NTNG1: variants seen among roughly 807,000 people sequenced by gnomAD.
NTNG1 encodes netrin-G1.
A neutral mutation model predicts 54.0 loss-of-function variants in NTNG1; 16 were observed. That is an observed-to-expected ratio of 0.30 (90% CI 0.20 to 0.45). The LOEUF (loss-of-function observed/expected upper bound fraction) is 0.45, where lower values mean the gene tolerates loss of function less well. Ranked by LOEUF, NTNG1 falls within the 20% of genes least tolerant of loss-of-function variation. The pLI is 1.00. For synonymous variants in NTNG1, 255 were observed against 263.1 expected (o/e 0.97, Z 0.30); for missense variants, 530 against 678.7 (o/e 0.78, Z 2.43).
At chr1:107,163,108 T>C (rs1185633666) in intron 2 of NTNG1, among the ~76,000 whole-genome samples, 2 of 152,192 alleles carry the variant, frequency 1.3e-5, no homozygotes, top group African/African-American at 4.8e-5. Flanking sequence ...CAATGATAAG[T>C]CTTTACATTT....
At chr1:107,475,638 A>G (rs371702326) in intron 7 of NTNG1, among the ~76,000 whole-genome samples, 2 of 152,338 alleles carry the variant, frequency 1.3e-5, no homozygotes, top group African/African-American at 4.8e-5. Flanking sequence ...CCTGATCTAG[A>G]AATGACAAAG....
intron 5 of NTNG1, among the ~76,000 whole-genome samples, chr1:107,425,736 G>T (rs1674867106): frequency 6.6e-6 from 1 of 151,962 alleles, no homozygotes; most frequent in African/African-American, 2.4e-5. Flanking sequence ...TCTATTTTTA[G>T]TTCTTTGAGA....
At chr1:107,458,612 G>A (rs1677093033) in intron 7 of NTNG1, among the ~76,000 whole-genome samples, 1 of 152,128 alleles carries the variant, frequency 6.6e-6, no homozygotes, top group African/African-American at 2.4e-5. Context: ...TTAATTCACA[G>A]ATTAACAATA....
chr1:107,276,577 C>T (rs548825381), intron 2 of NTNG1, among the ~76,000 whole-genome samples: 6 of 152,196 alleles, frequency 3.9e-5, no homozygotes, highest in African/African-American at 1.2e-4. Flanking sequence ...GTTCCCATAA[C>T]ACTGGGTATC....
chr1:107,388,874 A>G (rs1570838700), intron 3 of NTNG1, among the ~76,000 whole-genome samples: 3 of 152,208 alleles, frequency 2.0e-5, no homozygotes, highest in East Asian at 1.9e-4. Flanking sequence ...AGAATGTGAG[A>G]GGCACTGTAT....
At chr1:107,278,535 T>C (rs892950826) in intron 2 of NTNG1, among the ~76,000 whole-genome samples, 2 of 152,202 alleles carry the variant, frequency 1.3e-5, no homozygotes, top group Non-Finnish European at 2.9e-5. Context: ...AACCCAGGAA[T>C]TGAAGGTCTT....
chr1:107,361,351 A>T (rs1570763988), intron 3 of NTNG1, among the ~76,000 whole-genome samples: 1 of 126,354 alleles, frequency 7.9e-6, no homozygotes, highest in African/African-American at 2.9e-5. Flanking sequence ...GAATATATAC[A>T]TTATATAACA....
At chr1:107,191,676 A>G (rs1348443982) in intron 2 of NTNG1, among the ~76,000 whole-genome samples, 13 of 150,332 alleles carry the variant, frequency 8.6e-5, no homozygotes, top group Non-Finnish European at 1.8e-4. Flanking sequence ...ACCATTTATT[A>G]AATAGGGAAT....
chr1:107,480,627 C>G lies in NTNG1; in HGVS notation c.1407C>G (p.Asn469Lys). Reference protein sequence around the residue: ...HYGCQPNVCDNELLHCQNGGT... With the variant: ...HYGCQPNVCDKELLHCQNGGT... ...ATTCTGCAGCGAATGTCTGCGACAA[C>G]GAGCTCCTGCACTGCCAGAACGGAG... is the stretch of plus-strand genomic sequence containing the variant. The change falls in exon 8 of 8, where the codon AAC becomes AAG. Residue 469 changes from asparagine (N) to lysine (K), a missense_variant. Coordinates refer to ENST00000370068, the MANE Select transcript of NTNG1 (RefSeq NM_001113226.3). 7.8e-7 allele frequency: 1 copy of G among 1,286,300 alleles called. No individual in the cohort carries two copies. The highest frequency in any genetic ancestry group is 1.2e-5 in the South Asian group (1 of 82,272). The allele number at this position is 1,286,300 out of a possible 1,614,324, so 79.7% of individuals were successfully genotyped here.
At chr1:107,181,870 G>A (rs1177708233) in intron 2 of NTNG1, among the ~76,000 whole-genome samples, 2 of 152,056 alleles carry the variant, frequency 1.3e-5, no homozygotes, top group Non-Finnish European at 2.9e-5. Flanking sequence ...ACGCTCATTT[G>A]CATTATTCAT....
intron 2 of NTNG1, among the ~76,000 whole-genome samples, chr1:107,215,104 T>A (rs1285743829): frequency 1.3e-5 from 2 of 152,184 alleles, no homozygotes; most frequent in Middle Eastern, 3.2e-3. Context: ...GATGATTATT[T>A]ATTTTGCTGT....
intron 2 of NTNG1, among the ~76,000 whole-genome samples, chr1:107,292,870 C>T (rs961812496): frequency 1.3e-5 from 2 of 152,136 alleles, no homozygotes; most frequent in African/African-American, 4.8e-5. Flanking sequence ...TTTCAAGTTA[C>T]CCCCGTGGCC....
chr1:107,231,298 C>T (rs562277337), intron 2 of NTNG1, among the ~76,000 whole-genome samples: 16 of 152,144 alleles, frequency 1.1e-4, no homozygotes, highest in Middle Eastern at 3.2e-3. Context: ...AGTACTGGAT[C>T]GCTTCTCAGT....
intron 7 of NTNG1, among the ~76,000 whole-genome samples, chr1:107,450,166 C>A (rs1389856809): frequency 6.6e-6 from 1 of 151,992 alleles, no homozygotes; most frequent in Admixed American, 6.6e-5. Flanking sequence ...ACATTTTGGA[C>A]AACGACAGAA....
At chr1:107,333,002 A>G (rs983793928) in intron 3 of NTNG1, among the ~76,000 whole-genome samples, 3 of 151,994 alleles carry the variant, frequency 2.0e-5, no homozygotes, top group African/African-American at 7.2e-5. Flanking sequence ...ACATTGAAAA[A>G]AATGGATGGA....
intron 2 of NTNG1, among the ~76,000 whole-genome samples, chr1:107,192,197 A>G (rs958623569): frequency 6.6e-6 from 1 of 151,942 alleles, no homozygotes; most frequent in Non-Finnish European, 1.5e-5. Flanking sequence ...AGCAATTGTG[A>G]ATGGGATTTC....
At chr1:107,176,336 G>A (rs1294225258) in intron 2 of NTNG1, among the ~76,000 whole-genome samples, 1 of 152,118 alleles carries the variant, frequency 6.6e-6, no homozygotes, top group African/African-American at 2.4e-5. Flanking sequence ...ATAAAAATAT[G>A]CATTTTCATA....
chr1:107,426,484 G>A (rs971518086), intron 5 of NTNG1, among the ~76,000 whole-genome samples: 12 of 152,036 alleles, frequency 7.9e-5, no homozygotes, highest in African/African-American at 2.9e-4. Flanking sequence ...TGTAGGGTAT[G>A]TGGCTTTATT....
intron 2 of NTNG1, among the ~76,000 whole-genome samples, chr1:107,241,553 T>A (rs1369950481): frequency 6.6e-6 from 1 of 152,152 alleles, no homozygotes; most frequent in East Asian, 1.9e-4. Context: ...TAAAAGTAGT[T>A]TAGAGCGTCC....
Sources: gnomAD v4.1 joint callset for allele counts (sites outside exome capture counted in the v4.1 genomes callset) on GRCh38, gnomAD v4.1.1 for gene constraint, MANE v1.5 for transcripts, NCBI Gene and HGNC (gene_info 2026-07-23, HGNC 2026-07-21) for gene names.